NCKAP5L: variants seen among roughly 807,000 people sequenced by gnomAD.
NCKAP5L encodes the protein NCK associated protein 5 like, also known as nck-associated protein 5-like.
A neutral mutation model predicts 103.2 loss-of-function variants in NCKAP5L; 54 were observed. The ratio of observed to expected loss-of-function variants is 0.52; its 90% CI spans 0.42 to 0.66. The LOEUF is 0.66. Among genes scored for constraint, NCKAP5L ranks in the 30% least tolerant of loss-of-function variants. The pLI is 0.00. For missense variants in NCKAP5L, 1,733 were observed against 1,750.6 expected (o/e 0.99, Z 0.18); for synonymous variants, 762 against 748.6 (o/e 1.02, Z -0.29).
At chr12:49,809,363 C>T (rs1341700076) in intron 1 of NCKAP5L, among the ~76,000 whole-genome samples, 1 of 152,134 alleles carries the variant, frequency 6.6e-6, no homozygotes, top group African/African-American at 2.4e-5. Context: ...CGGCAGCAAG[C>T]CTGTCCTCAT....
intron 9 of NCKAP5L, 114 bp downstream of exon 9, chr12:49,793,620 T>C: frequency 7.4e-7 from 1 of 1,351,938 alleles, no homozygotes; most frequent in Non-Finnish European, 9.9e-7. Context: ...CCGTAGAGAC[T>C]GTGAGTGCAT....
At chr12:49,803,276 C>T in intron 3 of NCKAP5L, 111 bp from the exon 4 acceptor site, 1 of 980,426 alleles carries the variant, frequency 1.0e-6, no homozygotes. Context: ...GCTAACTATA[C>T]CCCCACTCCA....
intron 1 of NCKAP5L, among the ~76,000 whole-genome samples, chr12:49,826,733 G>A (rs766744954): frequency 6.6e-6 from 1 of 152,188 alleles, no homozygotes; most frequent in Non-Finnish European, 1.5e-5. Context: ...GCTAGGAAAA[G>A]TAGGGACCAG....
intron 3 of NCKAP5L, 84 bp downstream of exon 3, chr12:49,803,837 CT>C (rs1946149048): frequency 6.6e-7 from 1 of 1,519,356 alleles, no homozygotes; most frequent in African/African-American, 1.4e-5. Flanking sequence ...ACCCAAAAAC[CT>C]GCAGGAAGCT....
In NCKAP5L at chr12:49,795,336, G is replaced by C; in HGVS notation, c.2524C>G (p.Pro842Ala). The C allele has an allele frequency of 6.5e-7, 1 of 1,538,064 alleles. No homozygotes were observed. Among genetic ancestry groups the C allele is most frequent in the South Asian group, 1.3e-5 (1 of 77,002 alleles). The change falls in exon 8 of 13, where the codon CCT (proline) becomes GCT (alanine). Residue 842 changes from proline (P) to alanine (A), a missense_variant. Physicochemically the swap from Pro to Ala is conservative, Grantham distance 27 (BLOSUM62 -1). Transcript: ENST00000335999. ...CAGGGAGGGCCCTTCCCTTTGTCAG[G>C]CTTGGGGGACTCCTTGGTGACTAGC... ...APLVTKESPK[P>A]DKGKGPPWAD...
chr12:49,827,523 G>A (rs952122883), intron 1 of NCKAP5L, among the ~76,000 whole-genome samples: 3 of 152,248 alleles, frequency 2.0e-5, no homozygotes, highest in African/African-American at 7.2e-5. Flanking sequence ...GGAGAGGGGA[G>A]CTAGGATCCG....
intron 3 of NCKAP5L, 147 bp downstream of exon 3, chr12:49,803,775 T>C: frequency 8.2e-6 from 9 of 1,091,326 alleles, no homozygotes; most frequent in Non-Finnish European, 1.2e-5. Flanking sequence ...TGCAAAAGAA[T>C]GTTCTGCTAG....
At chr12:49,811,211 GCT>G (rs1473575185) in intron 1 of NCKAP5L, among the ~76,000 whole-genome samples, 1 of 152,132 alleles carries the variant, frequency 6.6e-6, no homozygotes, top group Non-Finnish European at 1.5e-5. Flanking sequence ...GTGCTTACGC[GCT>G]CTCTCACTCT....
rs1365381350 is a variant in NCKAP5L, at chr12:49,795,482, G to T, written c.2378C>A (p.Thr793Asn). The T allele has an allele frequency of 6.5e-7, 1 of 1,541,010 alleles. No homozygotes were observed. The highest frequency in any genetic ancestry group is 8.7e-7 in the Non-Finnish European group (1 of 1,149,978). The change falls in exon 8 of 13, where the codon ACC becomes AAC. Residue 793 changes from threonine (T) to asparagine (N), a missense_variant. Coordinates refer to ENST00000335999, the MANE Select transcript of NCKAP5L (RefSeq NM_001037806.4). The part of the protein sequence containing the change: ...AGALCPQVPR[T>N]PAKVPTSAPS... ...GGCTGAGGTTGGCACTTTGGCAGGG[G>T]TACGGGGTACCTGGGGGCACAGGGC...
chr12:49,792,167 G>T lies in NCKAP5L; in HGVS notation c.3793-116C>A. 1 of 1,079,022 alleles carries T rather than the reference G, an allele frequency of 9.3e-7. No homozygotes were observed. The highest frequency in any genetic ancestry group is 1.3e-6 in the Non-Finnish European group (1 of 753,430). The allele number at this position is 1,079,022 out of a possible 1,614,324, so 66.8% of individuals were successfully genotyped here. A position where few individuals can be genotyped will look rare whatever the true frequency, so the allele number is the denominator to read the frequency against. ...CTGATGGGGGGCTGCTCCAGAGGGG[G>T]CCCAAGGTGGGGTATACTTCAGAGG... On this transcript the variant is annotated intron_variant, in intron 12 of 12. Coordinates refer to ENST00000335999, the MANE Select transcript of NCKAP5L (RefSeq NM_001037806.4). The surrounding 1 kb of genome is among the most constrained non-coding windows in gnomAD (Gnocchi z 4.5).
rs921407814 is a variant in NCKAP5L, at chr12:49,804,017, C to T, written c.28G>A (p.Gly10Arg). 2.5e-6 allele frequency: 4 copies of T among 1,611,938 alleles called. No homozygotes were observed. The highest frequency in any genetic ancestry group is 3.3e-5 in the Admixed American group (2 of 60,018). Residue 10 changes from glycine to arginine, a missense_variant, in exon 3 of 13, where the codon GGG becomes AGG. Coordinates refer to ENST00000335999, the MANE Select transcript of NCKAP5L (RefSeq NM_001037806.4). MSEAMDQPA[G>R]GPGNPRPGEG... ...CCTGGCCTTGGGTTTCCAGGACCCC[C>T]AGCTGGCTGGTCCATGGCCTCTGAC... is the stretch of plus-strand genomic sequence containing the variant.
In NCKAP5L at chr12:49,791,907, G is replaced by A. The variant is rs1319845811; in HGVS notation, c.3937C>T (p.Leu1313=). 2 of 1,612,264 alleles carry A rather than the reference G, an allele frequency of 1.2e-6. No homozygotes were observed. The highest frequency in any genetic ancestry group is 1.7e-6 in the Non-Finnish European group (2 of 1,179,498). The part of the protein sequence containing the change: ...GRVASGGPPG[L]ETSESLSDSL... ...TCACTGAGAGACTCCGAGGTCTCCA[G>A]CCCTGGGGGGCCCCCGCTGGCCACT... The change falls in exon 13 of 13, where the codon CTG becomes TTG. Residue 1313 remains leucine (L), a synonymous_variant. Coordinates refer to ENST00000335999, the MANE Select transcript of NCKAP5L (RefSeq NM_001037806.4).
At chr12:49,808,274 TCA>T (rs1313523387) in intron 1 of NCKAP5L, among the ~76,000 whole-genome samples, 2 of 152,176 alleles carry the variant, frequency 1.3e-5, no homozygotes, top group Admixed American at 6.5e-5. Flanking sequence ...GTTCTTCTTC[TCA>T]GAGTGCCCCA....
At position 49,795,555 on chromosome 12, in the gene NCKAP5L, T is replaced by C; in HGVS notation, c.2305A>G (p.Arg769Gly). ...AGCTCCACTTTGGTGAGGCAGCTCC[T>C]TGGTGAGACAGGCTCCAGGTCCACC... ...ARVDLEPVSP[R>G]SCLTKVELAK... The change falls in exon 8 of 13, where the codon AGG becomes GGG. Residue 769 changes from arginine (R) to glycine (G), a missense_variant. Physicochemically the swap from Arg to Gly is moderately radical, Grantham distance 125. Transcript: ENST00000335999. The C allele has an allele frequency of 3.2e-6, 5 of 1,539,236 alleles. No homozygotes were observed. Among genetic ancestry groups the C allele is most frequent in the Non-Finnish European group, 4.4e-6 (5 of 1,146,988 alleles).
At chr12:49,813,831 A>AT (rs1017166880) in intron 1 of NCKAP5L, among the ~76,000 whole-genome samples, 4 of 148,288 alleles carry the variant, frequency 2.7e-5, no homozygotes, top group South Asian at 2.1e-4. Flanking sequence ...CCTGGCCTAC[A>AT]TTTTTTTTTT....
chr12:49,810,353 A>G (rs1296113364), intron 1 of NCKAP5L, among the ~76,000 whole-genome samples: 3 of 152,228 alleles, frequency 2.0e-5, no homozygotes, highest in African/African-American at 7.2e-5. Flanking sequence ...ACCGGAAGGC[A>G]GAAGAGTCTA....
intron 2 of NCKAP5L, chr12:49,805,558 T>C (rs1246823873): frequency 6.6e-6 from 1 of 152,196 alleles, no homozygotes; most frequent in Non-Finnish European, 1.5e-5. Context: ...GACTACCCCT[T>C]GTGCCATTGA....
In NCKAP5L at chr12:49,797,369, G is replaced by A. The variant is rs1168176930; in HGVS notation, c.491C>T (p.Pro164Leu). The change falls in exon 8 of 13, where the codon CCA becomes CTA. Residue 164 changes from proline (P) to leucine (L), a missense_variant. Physicochemically the swap from Pro to Leu is moderately conservative, Grantham distance 98. Coordinates refer to ENST00000335999, the MANE Select transcript of NCKAP5L (RefSeq NM_001037806.4). The surrounding 1 kb of genome is among the most constrained non-coding windows in gnomAD (Gnocchi z 4.5). ...GGCGGCTGGGGGGCCTGGGCCTCCT[G>A]GCCTCAGCTGCTGCTCCCAACATAC... ...REVCWEQQLR[P>L]GGPGPPAAPP... 1 of 1,608,578 alleles carries A rather than the reference G, an allele frequency of 6.2e-7. No homozygotes were observed. The highest frequency in any genetic ancestry group is 8.5e-7 in the Non-Finnish European group (1 of 1,178,160).
intron 1 of NCKAP5L, among the ~76,000 whole-genome samples, chr12:49,823,941 C>T (rs1307895207): frequency 6.6e-6 from 1 of 152,180 alleles, no homozygotes. Context: ...AAGGATTTCC[C>T]CTCACAGAGA....
Sources: gnomAD v4.1 joint callset for allele counts (sites outside exome capture counted in the v4.1 genomes callset) on GRCh38, gnomAD v4.1.1 for gene constraint, Gnocchi (gnomAD v3.1) non-coding constraint, MANE v1.5 for transcripts, NCBI Gene and HGNC (gene_info 2026-07-23, HGNC 2026-07-21) for gene names.